Variants in CNTN5 observed in about 807,000 individuals in gnomAD.
The protein encoded by CNTN5 is contactin 5.
A neutral mutation model predicts 129.1 loss-of-function variants in CNTN5; 77 were observed. The ratio of observed to expected loss-of-function variants is 0.60; its 90% CI spans 0.50 to 0.72. The LOEUF is 0.72. CNTN5 is among the 30% of genes least tolerant of loss of function. The pLI is 0.00. For missense variants in CNTN5, 1,478 were observed against 1,328.8 expected (o/e 1.11, Z -1.75); for synonymous variants, 509 against 465.6 (o/e 1.09, Z -1.20).
intron 2 of CNTN5, among the ~76,000 whole-genome samples, chr11:99,526,363 C>T (rs1947485468): frequency 6.6e-6 from 1 of 152,166 alleles, no homozygotes; most frequent in East Asian, 1.9e-4. Context: ...CCAGAATAAC[C>T]CATTCAATTC....
At chr11:100,080,084 A>C (rs563788944) in intron 13 of CNTN5, among the ~76,000 whole-genome samples, 31 of 152,288 alleles carry the variant, frequency 2.0e-4, no homozygotes, top group African/African-American at 6.7e-4. Context: ...CCATAAGTGC[A>C]TATATAAACT....
At chr11:99,339,572 G>A (rs778981924) in intron 2 of CNTN5, among the ~76,000 whole-genome samples, 4 of 152,104 alleles carry the variant, frequency 2.6e-5, no homozygotes, top group Admixed American at 6.5e-5. Context: ...GAAGTCAGGA[G>A]ATCGAGACCA....
At position 100,268,778 on chromosome 11, in the gene CNTN5, A is replaced by T. The variant is rs372946540; in HGVS notation, c.2165-2314A>T. Among the ~76,000 whole-genome samples the T allele has an allele frequency of 1.1e-4, 17 of 152,320 alleles. No individual in the cohort carries two copies. In the South Asian group the frequency reaches 2.9e-3, roughly 26 times the overall value. ...CATAGTTTGAAGTCATAGATGCCAT[A>T]ATTTTCTAATGGATTGGAGTGAGAC... is the stretch of plus-strand genomic sequence containing the variant. On this transcript the variant is annotated intron_variant, in intron 17 of 24. Transcript: ENST00000524871.
chr11:100,087,862 C>A (rs903272051), intron 13 of CNTN5, among the ~76,000 whole-genome samples: 2 of 151,910 alleles, frequency 1.3e-5, no homozygotes, highest in African/African-American at 4.8e-5. Flanking sequence ...AGATCTACCA[C>A]ATGCTTGGCC....
chr11:99,620,270 A>G (rs180709644), intron 3 of CNTN5, among the ~76,000 whole-genome samples: 2 of 151,866 alleles, frequency 1.3e-5, no homozygotes, highest in Non-Finnish European at 2.9e-5. Flanking sequence ...TATTTTATCC[A>G]TAATGAGTTC....
intron 18 of CNTN5, among the ~76,000 whole-genome samples, chr11:100,272,392 C>G (rs1656904584): frequency 6.6e-6 from 1 of 152,048 alleles, no homozygotes; most frequent in South Asian, 2.1e-4. Flanking sequence ...AAAAATATGA[C>G]TTTTGACCTC....
At position 99,525,287 on chromosome 11, in the gene CNTN5, TA is replaced by T. The variant is rs1157954801; in HGVS notation, c.-70-30850del. On this transcript the variant is annotated intron_variant, in intron 2 of 24. Transcript: ENST00000524871. ...GGACTTTGTGGATCAACTTATAATT[TA>T]AAAAAAATAAGGACAAAAACAGCAC... is the stretch of plus-strand genomic sequence containing the variant. Among the ~76,000 whole-genome samples the T allele has an allele frequency of 3.9e-5, 6 of 152,026 alleles. No homozygotes were observed. The South Asian group carries it at 1.0e-3, about 26-fold the overall frequency.
chr11:99,127,160 C>T (rs1858679264), intron 1 of CNTN5, among the ~76,000 whole-genome samples: 2 of 152,146 alleles, frequency 1.3e-5, no homozygotes, highest in South Asian at 4.1e-4. Flanking sequence ...CCAAACAGAA[C>T]CCATTATAGC....
rs527764162 is a variant in CNTN5 at position 100,035,807 on chromosome 11, T to C, written c.981-25405T>C. 3.8e-3 allele frequency among the ~76,000 whole-genome samples: 582 copies of C among 152,156 alleles called. 7 individuals carry two copies. The highest frequency in any genetic ancestry group is 0.013 in the African/African-American group (560 of 41,500). ...TCTGTTCATATCCTTTGCCCACTTTTTGATGGGGTTGTTTTTTTCTTGTAA... is the reference window on the plus strand; with the variant it reads ...TCTGTTCATATCCTTTGCCCACTTTCTGATGGGGTTGTTTTTTTCTTGTAA... On this transcript the variant is annotated intron_variant, in intron 9 of 24. Transcript: ENST00000524871.
chr11:99,122,904 A>C (rs75341354), intron 1 of CNTN5, among the ~76,000 whole-genome samples: 9,312 of 152,204 alleles, frequency 0.061, 314 homozygotes, highest in African/African-American at 0.085. Context: ...GTGTAGTATT[A>C]CATGGTGTAT....
At position 99,213,170 on chromosome 11, in the gene CNTN5, G is replaced by A. The variant is rs542761663; in HGVS notation, c.-209-112176G>A. Among the ~76,000 whole-genome samples the A allele has an allele frequency of 1.7e-4, 26 of 149,770 alleles. No individual in the cohort carries two copies. The East Asian group carries it at 3.1e-3, about 18-fold the overall frequency. ...TGCACCACTGCACTCCAGCCAGGGC[G>A]ACAGAGTGAGACTCCATCTCAAAAA... is the stretch of plus-strand genomic sequence containing the variant. On this transcript the variant is annotated intron_variant, in intron 1 of 24. Transcript: ENST00000524871.
At chr11:99,265,299 C>T (rs1862836235) in intron 1 of CNTN5, among the ~76,000 whole-genome samples, 2 of 151,942 alleles carry the variant, frequency 1.3e-5, no homozygotes, top group Admixed American at 6.6e-5. Flanking sequence ...TTTACTGAAT[C>T]ATTTATTTTA....
intron 1 of CNTN5, among the ~76,000 whole-genome samples, chr11:99,261,552 A>G (rs979960681): frequency 1.3e-5 from 2 of 152,060 alleles, no homozygotes; most frequent in African/African-American, 4.8e-5. Context: ...TCTTTGGGCT[A>G]AAATAAATGC....
chr11:100,232,443 G>A (rs778613675), intron 16 of CNTN5, among the ~76,000 whole-genome samples: 2 of 152,180 alleles, frequency 1.3e-5, no homozygotes, highest in Non-Finnish European at 2.9e-5. Flanking sequence ...GTAAATGATG[G>A]CCTTGGCAAG....
intron 1 of CNTN5, among the ~76,000 whole-genome samples, chr11:99,286,045 A>G (rs1251121573): frequency 1.3e-5 from 2 of 150,924 alleles, no homozygotes; most frequent in Admixed American, 6.6e-5. Context: ...CTGGAGAAAA[A>G]AAAAAAAAAA....
At chr11:99,027,432 A>C (rs995153327) in intron 1 of CNTN5, among the ~76,000 whole-genome samples, 3 of 151,652 alleles carry the variant, frequency 2.0e-5, no homozygotes, top group African/African-American at 4.8e-5. Context: ...AAAGCAGAGA[A>C]TATATCTCTT....
intron 3 of CNTN5, among the ~76,000 whole-genome samples, chr11:99,738,342 T>C (rs1381955157): frequency 6.6e-6 from 1 of 152,138 alleles, no homozygotes. Context: ...AAACCAAACC[T>C]GTCAACATCT....
chr11:100,125,455 T>C (rs1439261167), intron 13 of CNTN5, among the ~76,000 whole-genome samples: 2 of 152,112 alleles, frequency 1.3e-5, no homozygotes, highest in African/African-American at 2.4e-5. Context: ...TCACTTAGTA[T>C]AATGACCTTC....
At chr11:100,128,138 A>G (rs1057330809) in intron 13 of CNTN5, among the ~76,000 whole-genome samples, 3 of 152,094 alleles carry the variant, frequency 2.0e-5, no homozygotes, top group East Asian at 3.9e-4. Context: ...CATATATCCA[A>G]TTGCCTACTG....
Sources: gnomAD v4.1 joint callset for allele counts (sites outside exome capture counted in the v4.1 genomes callset) on GRCh38, gnomAD v4.1.1 for gene constraint, MANE v1.5 for transcripts, NCBI Gene and HGNC (gene_info 2026-07-23, HGNC 2026-07-21) for gene names.